MARCHF1: variants seen among roughly 807,000 people sequenced by gnomAD.
MARCHF1 encodes membrane associated ring-CH-type finger 1, also known as E3 ubiquitin-protein ligase MARCHF1.
Under a neutral mutation model 54.2 loss-of-function variants are expected in MARCHF1, and 40 were observed. That is an observed-to-expected ratio of 0.74 (90% confidence interval 0.57 to 0.96). MARCHF1 has a LOEUF of 0.96. Ranked by LOEUF, MARCHF1 falls within the 40% of genes least tolerant of loss-of-function variation. MARCHF1 has a pLI of 0.00. For synonymous variants in MARCHF1, 236 were observed against 236.3 expected, an observed-to-expected ratio of 1.00 and a Z score of 0.01; for missense variants, 586 against 656.5, an observed-to-expected ratio of 0.89 and a Z score of 1.17.
At chr4:163,951,889 C>T (rs1018484728) in intron 3 of MARCHF1, among the ~76,000 whole-genome samples, 2 of 152,156 alleles carry the variant, frequency 1.3e-5, no homozygotes, top group Admixed American at 6.5e-5. Context: ...CCCAGATTAC[C>T]ATTTCAAATA....
intron 1 of MARCHF1, chr4:164,188,569 C>T: frequency 1.3e-6 from 1 of 782,886 alleles, no homozygotes. Flanking sequence ...TCACGCGGTC[C>T]TATGTGCCCT....
chr4:164,235,105 A>G (rs574454983), intron 1 of MARCHF1, among the ~76,000 whole-genome samples: 1 of 151,986 alleles, frequency 6.6e-6, no homozygotes, highest in South Asian at 2.1e-4. Flanking sequence ...ACGTTCCCCC[A>G]GGCCTCTTCT....
At chr4:164,211,349 A>ATATG (rs1731767170) in intron 1 of MARCHF1, among the ~76,000 whole-genome samples, 1 of 117,900 alleles carries the variant, frequency 8.5e-6, no homozygotes, top group African/African-American at 2.6e-5. Context: ...ATATATATAT[A>ATATG]TATATACCAC....
chr4:163,975,186 TCTCTCTCTCTCA>T (rs1459855071), intron 3 of MARCHF1, among the ~76,000 whole-genome samples: 3 of 135,194 alleles, frequency 2.2e-5, no homozygotes, highest in African/African-American at 6.8e-5. Context: ...TCTCTCTCTC[TCTCTCTCTCTCA>T]CACACACACA....
chr4:163,618,131 T>G (rs1741573014), intron 5 of MARCHF1, among the ~76,000 whole-genome samples: 1 of 152,162 alleles, frequency 6.6e-6, no homozygotes, highest in South Asian at 2.1e-4. Context: ...AATATTCAAA[T>G]AGGTCATATC....
rs144305506 is a variant in MARCHF1, at chr4:163,840,028, G to A, written c.111+13993C>T. 1.4e-4 allele frequency among the ~76,000 whole-genome samples: 22 copies of A among 152,122 alleles called. No individual in the cohort carries two copies. The East Asian group carries it at 4.2e-3, about 29-fold the overall frequency. The stretch of plus-strand genomic sequence containing the variant: ...ATATCAATATTTGAACATAAAAGAT[G>A]ACATCACTGTAGATTTTATAGACAT... On this transcript the variant is annotated intron_variant, in intron 4 of 9. Coordinates refer to ENST00000514618, the MANE Select transcript of MARCHF1 (RefSeq NM_001394959.1).
At chr4:164,070,374 G>A (rs576404331) in intron 2 of MARCHF1, among the ~76,000 whole-genome samples, 1 of 152,142 alleles carries the variant, frequency 6.6e-6, no homozygotes, top group African/African-American at 2.4e-5. Context: ...CACCCCAAGA[G>A]ATTTGAGATA....
At chr4:164,023,416 A>G (rs1242012461) in intron 2 of MARCHF1, among the ~76,000 whole-genome samples, 1 of 152,192 alleles carries the variant, frequency 6.6e-6, no homozygotes, top group Non-Finnish European at 1.5e-5. Context: ...TCTGCTGGCC[A>G]TTACTCTTAA....
chr4:164,055,135 T>A (rs1179129626), intron 2 of MARCHF1: 2 of 152,062 alleles, frequency 1.3e-5, no homozygotes, highest in East Asian at 3.9e-4. Flanking sequence ...TAAGCCTGAA[T>A]AATGTAATAA....
intron 4 of MARCHF1, among the ~76,000 whole-genome samples, chr4:163,770,521 AACACACACACACACACACACAC>A (rs36201521): frequency 2.7e-5 from 4 of 147,302 alleles, no homozygotes; most frequent in South Asian, 2.2e-4. Context: ...TCCCTCACTG[AACACACACACACACACACACAC>A]ACACACACAC....
chr4:163,806,141 C>T (rs1748218940), intron 4 of MARCHF1, among the ~76,000 whole-genome samples: 2 of 152,128 alleles, frequency 1.3e-5, no homozygotes, highest in African/African-American at 4.8e-5. Flanking sequence ...AGAAGTTTCA[C>T]AATAAGAACT....
intron 4 of MARCHF1, among the ~76,000 whole-genome samples, chr4:163,776,796 C>A (rs1002252366): frequency 6.6e-6 from 1 of 152,002 alleles, no homozygotes; most frequent in African/African-American, 2.4e-5. Context: ...ATTATCACTG[C>A]TGTAGAAATG....
At chr4:164,341,857 G>A (rs1490436340) in intron 1 of MARCHF1, among the ~76,000 whole-genome samples, 3 of 152,122 alleles carry the variant, frequency 2.0e-5, no homozygotes, top group African/African-American at 7.2e-5. Flanking sequence ...CTCACATAAA[G>A]TAAACTCTGA....
intron 5 of MARCHF1, 181 bp from the exon 6 acceptor site, chr4:163,613,574 A>C: frequency 6.6e-7 from 1 of 1,514,498 alleles, no homozygotes; most frequent in South Asian, 1.4e-5. Flanking sequence ...AACTTATTTG[A>C]GGAACCTGGA....
intron 4 of MARCHF1, among the ~76,000 whole-genome samples, chr4:163,748,428 C>T (rs962998123): frequency 5.3e-5 from 8 of 151,762 alleles, no homozygotes; most frequent in Non-Finnish European, 7.4e-5. Flanking sequence ...AAAAAAGATC[C>T]CACAAGCTCG....
chr4:163,848,658 A>G (rs1749554232), intron 4 of MARCHF1, among the ~76,000 whole-genome samples: 1 of 152,156 alleles, frequency 6.6e-6, no homozygotes, highest in East Asian at 1.9e-4. Context: ...ATTGTGTTAC[A>G]CTAAATTTAA....
Position 163,598,379 on chromosome 4 carries a change from G to A in MARCHF1, c.1011-12450C>T, listed in dbSNP as rs576852562. 8.7e-4 allele frequency among the ~76,000 whole-genome samples: 132 copies of A among 152,214 alleles called. 2 individuals are homozygous for A. Among genetic ancestry groups the A allele is most frequent in the African/African-American group, 2.9e-3 (120 of 41,516 alleles). On this transcript the variant is annotated intron_variant, in intron 7 of 9. Coordinates refer to ENST00000514618, the MANE Select transcript of MARCHF1 (RefSeq NM_001394959.1). ...ATTTTTCATTATGAAGTACAGTCAC[G>A]CCATGCGTCCCTTAATGACAGGGAT...
chr4:164,025,085 CAAACAA>C (rs1200132389), intron 2 of MARCHF1, among the ~76,000 whole-genome samples: 1 of 150,098 alleles, frequency 6.7e-6, no homozygotes, highest in Admixed American at 6.7e-5. Flanking sequence ...AAAAACAAAA[CAAACAA>C]AAAGACAAGC....
chr4:164,155,771 A>G (rs568954127), intron 1 of MARCHF1, among the ~76,000 whole-genome samples: 1 of 152,178 alleles, frequency 6.6e-6, no homozygotes, highest in Non-Finnish European at 1.5e-5. Context: ...TATACAATGT[A>G]TTCATGTAAC....
Sources: gnomAD v4.1 joint callset for allele counts (sites outside exome capture counted in the v4.1 genomes callset) on GRCh38, gnomAD v4.1.1 for gene constraint, MANE v1.5 for transcripts, NCBI Gene and HGNC (gene_info 2026-07-23, HGNC 2026-07-21) for gene names.